Variants in C8orf34 observed in about 807,000 individuals in gnomAD.
C8orf34 encodes the protein chromosome 8 open reading frame 34, also known as uncharacterized protein C8orf34.
Under a neutral mutation model 68.3 loss-of-function variants are expected in C8orf34, and 65 were observed. The observed-to-expected ratio is 0.95, with a 90% confidence interval of 0.78 to 1.17. The LOEUF (loss-of-function observed/expected upper bound fraction) is 1.17. C8orf34 is among the 50% of genes most tolerant of loss of function. The pLI is 0.00. For synonymous variants in C8orf34, 244 were observed against 241.2 expected, an observed-to-expected ratio of 1.01 and a Z score of -0.11; for missense variants, 664 against 655.4, an observed-to-expected ratio of 1.01 and a Z score of -0.14.
At chr8:68,332,932 T>A (rs1805692538) in intron 1 of C8orf34, among the ~76,000 whole-genome samples, 1 of 152,216 alleles carries the variant, frequency 6.6e-6, no homozygotes, top group African/African-American at 2.4e-5. Flanking sequence ...ATAATTTTTT[T>A]AAAGGCAGAA....
intron 10 of C8orf34, among the ~76,000 whole-genome samples, chr8:68,752,581 T>C (rs1042312071): frequency 6.6e-6 from 1 of 152,226 alleles, no homozygotes; most frequent in African/African-American, 2.4e-5. Context: ...CATGTCCCAC[T>C]GATACTAAGA....
intron 7 of C8orf34, among the ~76,000 whole-genome samples, chr8:68,575,678 A>G (rs989989781): frequency 1.3e-5 from 2 of 152,036 alleles, no homozygotes; most frequent in African/African-American, 2.4e-5. Flanking sequence ...AGCCCTTACT[A>G]TGGACCCTGC....
At chr8:68,733,648 A>G (rs576242319) in intron 10 of C8orf34, among the ~76,000 whole-genome samples, 2 of 152,328 alleles carry the variant, frequency 1.3e-5, no homozygotes, top group Admixed American at 1.3e-4. Context: ...GAATACAAAA[A>G]ACTATTCATC....
chr8:68,767,521 A>G (rs1490029315), intron 10 of C8orf34, among the ~76,000 whole-genome samples: 2 of 152,176 alleles, frequency 1.3e-5, no homozygotes, highest in Non-Finnish European at 2.9e-5. Flanking sequence ...GCTTTTACTA[A>G]CATCATATTC....
intron 1 of C8orf34, among the ~76,000 whole-genome samples, chr8:68,427,004 C>A (rs1055451087): frequency 2.6e-5 from 4 of 152,018 alleles, no homozygotes; most frequent in African/African-American, 9.7e-5. Flanking sequence ...ATATCATTAT[C>A]CATTAGAGAA....
intron 10 of C8orf34, among the ~76,000 whole-genome samples, chr8:68,739,496 C>CAA (rs112383698): frequency 6.7e-6 from 1 of 149,504 alleles, no homozygotes; most frequent in African/African-American, 2.5e-5. Context: ...ACAGTTGCCA[C>CAA]AAAAAAAAAT....
intron 7 of C8orf34, among the ~76,000 whole-genome samples, chr8:68,566,341 T>C (rs1304625350): frequency 6.6e-6 from 1 of 152,146 alleles, no homozygotes; most frequent in Non-Finnish European, 1.5e-5. Flanking sequence ...GAACCCAGTG[T>C]CTGTTGTTCC....
At chr8:68,523,744 T>G (rs569818867) in intron 6 of C8orf34, among the ~76,000 whole-genome samples, 2 of 152,270 alleles carry the variant, frequency 1.3e-5, no homozygotes, top group South Asian at 4.1e-4. Flanking sequence ...TTAGATTTGA[T>G]TTGGATCAAG....
At chr8:68,768,990 C>T (rs1823263419) in intron 10 of C8orf34, among the ~76,000 whole-genome samples, 1 of 151,778 alleles carries the variant, frequency 6.6e-6, no homozygotes. Flanking sequence ...CTTTAAAAAT[C>T]GTGTGGTCTT....
intron 7 of C8orf34, among the ~76,000 whole-genome samples, chr8:68,588,077 C>T (rs1300180773): frequency 6.6e-6 from 1 of 152,130 alleles, no homozygotes; most frequent in Non-Finnish European, 1.5e-5. Flanking sequence ...TATAGCTATA[C>T]CTACATATGC....
At chr8:68,627,353 A>G (rs1296239132) in intron 7 of C8orf34, among the ~76,000 whole-genome samples, 1 of 152,052 alleles carries the variant, frequency 6.6e-6, no homozygotes, top group African/African-American at 2.4e-5. Context: ...TTGTCTCTAG[A>G]TTTTTGTGTT....
intron 1 of C8orf34, among the ~76,000 whole-genome samples, chr8:68,395,581 A>C (rs1273412760): frequency 6.6e-6 from 1 of 152,168 alleles, no homozygotes; most frequent in Non-Finnish European, 1.5e-5. Flanking sequence ...AATAAAATTG[A>C]AAATATACTG....
intron 8 of C8orf34, among the ~76,000 whole-genome samples, chr8:68,697,342 A>G (rs1820864581): frequency 6.6e-6 from 1 of 152,028 alleles, no homozygotes; most frequent in African/African-American, 2.4e-5. Flanking sequence ...TACTTCTGTA[A>G]GATATAGGAA....
chr8:68,452,551 C>A (rs956376840), intron 3 of C8orf34, among the ~76,000 whole-genome samples: 1 of 150,658 alleles, frequency 6.6e-6, no homozygotes, highest in Admixed American at 6.7e-5. Flanking sequence ...TGTTTCTTGG[C>A]CATTTGAATA....
At chr8:68,460,513 C>T (rs1382512364) in intron 3 of C8orf34, among the ~76,000 whole-genome samples, 1 of 152,168 alleles carries the variant, frequency 6.6e-6, no homozygotes, top group Non-Finnish European at 1.5e-5. Flanking sequence ...GACCCCTGAC[C>T]CCTGAGCAGC....
At chr8:68,481,161 T>C (rs1812841900) in intron 4 of C8orf34, among the ~76,000 whole-genome samples, 1 of 152,096 alleles carries the variant, frequency 6.6e-6, no homozygotes, top group African/African-American at 2.4e-5. Context: ...AAGGGGCCAA[T>C]GTACAATGTG....
chr8:68,484,895 C>A (rs1456439786), intron 4 of C8orf34, among the ~76,000 whole-genome samples: 1 of 152,146 alleles, frequency 6.6e-6, no homozygotes, highest in Non-Finnish European at 1.5e-5. Context: ...TGGATAATTT[C>A]TCAGGCAAAG....
At chr8:68,470,144 G>A (rs1319402671) in intron 4 of C8orf34, among the ~76,000 whole-genome samples, 1 of 152,008 alleles carries the variant, frequency 6.6e-6, no homozygotes, top group Non-Finnish European at 1.5e-5. Context: ...TAGAAAATAA[G>A]AGTAAAGTGA....
chr8:68,358,076 A>G (rs562998615), intron 1 of C8orf34, among the ~76,000 whole-genome samples: 46 of 152,306 alleles, frequency 3.0e-4, no homozygotes, highest in South Asian at 1.0e-3. Context: ...AATGCCTTAA[A>G]TTCTTTCTGA....
Sources: allele counts gnomAD v4.1 joint callset (sites outside exome capture counted in the v4.1 genomes callset), GRCh38; gene constraint gnomAD v4.1.1; transcripts MANE v1.5; gene names NCBI Gene and HGNC (gene_info 2026-07-23, HGNC 2026-07-21).